PDK1: variants seen among roughly 807,000 people sequenced by gnomAD.
PDK1 encodes the protein [Pyruvate dehydrogenase (acetyl-transferring)] kinase isozyme 1, mitochondrial.
PDK1 carries 39 observed loss-of-function variants against 54.2 expected under a neutral mutation model. The ratio of observed to expected loss-of-function variants is 0.72; its 90% CI spans 0.56 to 0.94. The LOEUF is 0.94. Ranked by LOEUF, PDK1 falls within the 40% of genes least tolerant of loss-of-function variation. PDK1 has a pLI of 0.00. For synonymous variants in PDK1, 221 were observed against 207.1 expected, an observed-to-expected ratio of 1.07 and a Z score of -0.58; for missense variants, 552 against 566.0, an observed-to-expected ratio of 0.98 and a Z score of 0.25.
the PDK1 span, among the ~76,000 whole-genome samples, chr2:172,668,872 T>TACACACACAC: frequency 0.028 from 3,129 of 111,278 alleles, 62 homozygotes; most frequent in Non-Finnish European, 0.042. Context: ...TGTATGTATG[T>TACACACACAC]ACACACACAC....
At chr2:172,579,407 G>T (rs1689756788) in intron 8 of PDK1, among the ~76,000 whole-genome samples, 1 of 152,082 alleles carries the variant, frequency 6.6e-6, no homozygotes, top group Non-Finnish European at 1.5e-5. Context: ...TTCTTATACG[G>T]ATTCAGTTGT....
At chr2:172,569,199 G>A (rs1689120426) in intron 7 of PDK1, among the ~76,000 whole-genome samples, 1 of 152,170 alleles carries the variant, frequency 6.6e-6, no homozygotes, top group Non-Finnish European at 1.5e-5. Context: ...TTACATATAG[G>A]TGCTCAATAG....
chr2:172,707,050 G>A, the PDK1 span, among the ~76,000 whole-genome samples: 3 of 152,130 alleles, frequency 2.0e-5, no homozygotes, highest in Admixed American at 6.5e-5. Context: ...GGGAGGTGGC[G>A]TTGTTTCCAC....
chr2:172,574,753 A>G (rs1409655560), intron 8 of PDK1, among the ~76,000 whole-genome samples: 1 of 152,052 alleles, frequency 6.6e-6, no homozygotes, highest in Non-Finnish European at 1.5e-5. Context: ...AATATAACTG[A>G]TTTTTTTGTA....
intron 9 of PDK1, 73 bp from the exon 10 acceptor site, chr2:172,592,862 G>C: frequency 1.3e-6 from 1 of 769,996 alleles, no homozygotes; most frequent in Admixed American, 1.8e-5. Flanking sequence ...GTACTCAATG[G>C]CATCTATCTT....
At chr2:172,580,361 T>C (rs1338015847) in intron 8 of PDK1, among the ~76,000 whole-genome samples, 1 of 152,152 alleles carries the variant, frequency 6.6e-6, no homozygotes, top group Non-Finnish European at 1.5e-5. Context: ...GGTTTGGGGC[T>C]TAAGTTGTGC....
chr2:172,596,081 A>AT lies in PDK1; in HGVS notation c.*115dup. ...CTTTATTTATCGTTTTCACAAAACT[A>AT]TTTGAGTAGAATAAATGGAAACTGA... On this transcript the variant is annotated 3_prime_UTR_variant, in exon 11 of 11. Transcript: ENST00000282077. 2.3e-6 allele frequency: 2 copies of AT among 888,372 alleles called. No homozygotes were observed. Among genetic ancestry groups the AT allele is most frequent in the Middle Eastern group, 5.0e-4 (2 of 3,972 alleles). The allele number at this position is 888,372 out of a possible 1,614,324, so 55.0% of individuals were successfully genotyped here.
rs1000818820 is a variant in PDK1, at chr2:172,605,324, G to T, written c.*9355G>T. ...CAAGAGCCTCTGAGCTTAAAGATAT[G>T]TGAGTGGAGCTAACTAGACTGTCCA... is the stretch of plus-strand genomic sequence containing the variant. On this transcript the variant is annotated 3_prime_UTR_variant, in exon 11 of 11. Coordinates refer to ENST00000282077, the MANE Select transcript of PDK1 (RefSeq NM_002610.5). 6.6e-6 allele frequency: 1 copy of T among 150,926 alleles called. No homozygotes were observed. Among genetic ancestry groups the T allele is most frequent in the East Asian group, 2.0e-4 (1 of 5,112 alleles). The allele number at this position is 150,926 out of a possible 1,614,324, so 9.3% of individuals were successfully genotyped here. A position where few individuals can be genotyped will look rare whatever the true frequency, so the allele number is the denominator to read the frequency against.
chr2:172,665,154 GT>G, the PDK1 span, among the ~76,000 whole-genome samples: 80 of 149,460 alleles, frequency 5.4e-4, no homozygotes, highest in East Asian at 1.6e-3. Flanking sequence ...GCCAAAGAAT[GT>G]TTTTTTTTTC....
At chr2:172,697,366 T>A in the PDK1 span, among the ~76,000 whole-genome samples, 1 of 152,220 alleles carries the variant, frequency 6.6e-6, no homozygotes, top group Non-Finnish European at 1.5e-5. Context: ...AGTATCCAGA[T>A]ATGTTCCTGC....
the PDK1 span, among the ~76,000 whole-genome samples, chr2:172,627,873 AC>A: frequency 6.6e-6 from 1 of 152,210 alleles, no homozygotes; most frequent in Non-Finnish European, 1.5e-5. Flanking sequence ...ATCCACTTGC[AC>A]GTAGACCTCA....
At chr2:172,636,720 C>CAA in the PDK1 span, among the ~76,000 whole-genome samples, 1 of 126,908 alleles carries the variant, frequency 7.9e-6, no homozygotes. Context: ...GACTCCATCT[C>CAA]AAAAAAAAAA....
chr2:172,593,517 A>G (rs1690722667), intron 10 of PDK1, among the ~76,000 whole-genome samples: 1 of 152,190 alleles, frequency 6.6e-6, no homozygotes, highest in Non-Finnish European at 1.5e-5. Flanking sequence ...GCAGTCCTTT[A>G]CAGATACCTC....
chr2:172,621,114 T>C, the PDK1 span, among the ~76,000 whole-genome samples: 1 of 152,194 alleles, frequency 6.6e-6, no homozygotes, highest in African/African-American at 2.4e-5. Flanking sequence ...ACCCCATCTC[T>C]ACTAAAAATA....
At chr2:172,668,930 GAGAGAGAGAA>G in the PDK1 span, among the ~76,000 whole-genome samples, 57 of 145,298 alleles carry the variant, frequency 3.9e-4, no homozygotes, top group Middle Eastern at 3.5e-3. Flanking sequence ...GAGAGAGAGA[GAGAGAGAGAA>G]AGAGAGAGAG....
the PDK1 span, among the ~76,000 whole-genome samples, chr2:172,645,024 G>A: frequency 1.3e-5 from 2 of 152,180 alleles, no homozygotes; most frequent in Middle Eastern, 3.4e-3. Context: ...ATTCGGTGGT[G>A]TGCTGGAACT....
the PDK1 span, among the ~76,000 whole-genome samples, chr2:172,707,196 G>A: frequency 2.0e-5 from 3 of 152,178 alleles, no homozygotes. Context: ...TGCTACCACA[G>A]GGTGTGGGGA....
intron 8 of PDK1, among the ~76,000 whole-genome samples, chr2:172,577,169 T>C (rs1283804664): frequency 6.6e-6 from 1 of 152,208 alleles, no homozygotes. Flanking sequence ...CTTTTTTGTG[T>C]ATTAACCTTA....
chr2:172,583,375 C>T (rs1002085970), intron 8 of PDK1, among the ~76,000 whole-genome samples: 1 of 142,028 alleles, frequency 7.0e-6, no homozygotes, highest in Non-Finnish European at 1.5e-5. Flanking sequence ...TGGCTCACTG[C>T]AACCTCCTCC....
Sources: gnomAD v4.1 joint callset for allele counts (sites outside exome capture counted in the v4.1 genomes callset) on GRCh38, gnomAD v4.1.1 for gene constraint, MANE v1.5 for transcripts, NCBI Gene and HGNC (gene_info 2026-07-23, HGNC 2026-07-21) for gene names.